SPAG16: variants seen among roughly 807,000 people sequenced by gnomAD.
SPAG16 encodes sperm associated antigen 16.
Under a neutral mutation model 80.4 loss-of-function variants are expected in SPAG16, and 86 were observed. The observed-to-expected ratio is 1.07, with a 90% confidence interval of 0.90 to 1.28. SPAG16 has a LOEUF of 1.28. Ranked by LOEUF, SPAG16 falls within the 50% of genes most tolerant of loss-of-function variation. The pLI is 0.00. For synonymous variants in SPAG16, 294 were observed against 265.9 expected (o/e 1.11, Z -1.03); for missense variants, 870 against 765.3 (o/e 1.14, Z -1.61).
chr2:213,331,120 T>C (rs752901369), intron 5 of SPAG16, among the ~76,000 whole-genome samples: 4 of 152,244 alleles, frequency 2.6e-5, no homozygotes, highest in Non-Finnish European at 5.9e-5. Context: ...TCTTTTACTT[T>C]TCCTTCACCT....
chr2:213,449,210 G>T (rs543035311), intron 9 of SPAG16, among the ~76,000 whole-genome samples: 22 of 152,082 alleles, frequency 1.4e-4, no homozygotes, highest in African/African-American at 4.3e-4. Context: ...ACTCTGCCCT[G>T]GTAAATTTGT....
intron 10 of SPAG16, among the ~76,000 whole-genome samples, chr2:213,797,511 A>C (rs578262314): frequency 6.6e-6 from 1 of 151,948 alleles, no homozygotes; most frequent in African/African-American, 2.4e-5. Context: ...TATACAAGAC[A>C]ATAACATATT....
At chr2:214,057,438 T>G (rs2125159893) in intron 13 of SPAG16, among the ~76,000 whole-genome samples, 1 of 152,198 alleles carries the variant, frequency 6.6e-6, no homozygotes, top group South Asian at 2.1e-4. Flanking sequence ...GAGCAGTAGG[T>G]CTTAACGGTG....
intron 11 of SPAG16, among the ~76,000 whole-genome samples, 176 bp from the exon 12 acceptor site, chr2:213,929,782 CAA>C (rs2078666891): frequency 6.6e-6 from 1 of 152,106 alleles, no homozygotes; most frequent in Non-Finnish European, 1.5e-5. Flanking sequence ...CTAAGCAATT[CAA>C]GTTAGCAATT....
At chr2:213,850,892 AT>A (rs1249288668) in intron 10 of SPAG16, among the ~76,000 whole-genome samples, 7 of 151,800 alleles carry the variant, frequency 4.6e-5, no homozygotes, top group East Asian at 3.9e-4. Flanking sequence ...TTCACTTTGG[AT>A]TTTTTTTCTC....
chr2:214,265,985 A>G (rs984228408), intron 15 of SPAG16, among the ~76,000 whole-genome samples: 4 of 151,874 alleles, frequency 2.6e-5, no homozygotes, highest in Admixed American at 6.6e-5. Flanking sequence ...TTATTTCTCT[A>G]TAAGTCCTAC....
chr2:213,341,772 C>A (rs866561574), intron 6 of SPAG16, among the ~76,000 whole-genome samples: 1 of 152,074 alleles, frequency 6.6e-6, no homozygotes, highest in East Asian at 1.9e-4. Context: ...AACTCCTGGG[C>A]ACCAGTGATC....
At chr2:213,322,335 A>AAAAAAT (rs1491341453) in intron 5 of SPAG16, among the ~76,000 whole-genome samples, 1 of 30,372 alleles carries the variant, frequency 3.3e-5, no homozygotes, top group Non-Finnish European at 9.0e-5. Flanking sequence ...TAGACAATGC[A>AAAAAAT]AAAAAAAAAA....
At chr2:213,766,938 C>T (rs1474594089) in intron 10 of SPAG16, among the ~76,000 whole-genome samples, 1 of 152,144 alleles carries the variant, frequency 6.6e-6, no homozygotes, top group East Asian at 1.9e-4. Context: ...CGAGGCCTGC[C>T]GGGTAAAACC....
At chr2:213,372,944 G>A (rs981559889) in intron 8 of SPAG16, among the ~76,000 whole-genome samples, 3 of 152,168 alleles carry the variant, frequency 2.0e-5, no homozygotes, top group Non-Finnish European at 4.4e-5. Flanking sequence ...AGGAACAATT[G>A]AGTGGGTAAA....
At chr2:214,230,313 C>A (rs1688601184) in intron 15 of SPAG16, among the ~76,000 whole-genome samples, 1 of 151,876 alleles carries the variant, frequency 6.6e-6, no homozygotes, top group Non-Finnish European at 1.5e-5. Context: ...CTTTCTAACC[C>A]TTTGTGAGTC....
chr2:214,274,994 G>A (rs1302459310), intron 15 of SPAG16, among the ~76,000 whole-genome samples: 2 of 152,104 alleles, frequency 1.3e-5, no homozygotes, highest in African/African-American at 4.8e-5. Context: ...GGTGTATTCA[G>A]AGATTCAACT....
intron 12 of SPAG16, among the ~76,000 whole-genome samples, chr2:213,966,449 T>A (rs1351797946): frequency 1.3e-5 from 2 of 152,180 alleles, no homozygotes; most frequent in Admixed American, 1.3e-4. Context: ...ATATTAGATG[T>A]TAGAAGAGGA....
chr2:213,302,843 G>C (rs565400666), intron 3 of SPAG16, among the ~76,000 whole-genome samples: 1 of 152,158 alleles, frequency 6.6e-6, no homozygotes, highest in East Asian at 1.9e-4. Context: ...TTATTTGAAA[G>C]GGCAGGAATC....
At chr2:214,041,978 G>GTGTGTATATATATA (rs1410396491) in intron 13 of SPAG16, among the ~76,000 whole-genome samples, 1 of 116,358 alleles carries the variant, frequency 8.6e-6, no homozygotes, top group African/African-American at 3.2e-5. Context: ...GTCTGTGTGT[G>GTGTGTATATATATA]TATATATATA....
intron 15 of SPAG16, among the ~76,000 whole-genome samples, chr2:214,351,662 C>T (rs1251445407): frequency 6.6e-6 from 1 of 151,416 alleles, no homozygotes; most frequent in Non-Finnish European, 1.5e-5. Context: ...GAGATGGCAT[C>T]ACTGCACTCC....
chr2:214,348,038 T>C (rs896389299), intron 15 of SPAG16, among the ~76,000 whole-genome samples: 1 of 152,210 alleles, frequency 6.6e-6, no homozygotes, highest in Non-Finnish European at 1.5e-5. Flanking sequence ...GACCAGTGAC[T>C]GCTGTGCACC....
intron 15 of SPAG16, among the ~76,000 whole-genome samples, chr2:214,257,753 AG>A (rs1307089776): frequency 6.6e-6 from 1 of 152,120 alleles, no homozygotes; most frequent in Non-Finnish European, 1.5e-5. Flanking sequence ...AATATTTTCA[AG>A]GGATATAAAG....
At chr2:214,343,227 A>C (rs1697826526) in intron 15 of SPAG16, among the ~76,000 whole-genome samples, 3 of 152,204 alleles carry the variant, frequency 2.0e-5, no homozygotes, top group Admixed American at 2.0e-4. Context: ...GGAGGAATTA[A>C]TAGATACCTC....
Sources: allele counts gnomAD v4.1 joint callset (sites outside exome capture counted in the v4.1 genomes callset), GRCh38; gene constraint gnomAD v4.1.1; transcripts MANE v1.5; gene names NCBI Gene and HGNC (gene_info 2026-07-23, HGNC 2026-07-21).